The following UGDH variants were observed in gnomAD, a reference collection of about 807,000 sequenced individuals.
UGDH encodes the protein UDP-glucose 6-dehydrogenase.
UGDH carries 38 observed loss-of-function variants against 50.6 expected under a neutral mutation model. The observed-to-expected ratio is 0.75, with a 90% CI of 0.58 to 0.98. The LOEUF (loss-of-function observed/expected upper bound fraction) is 0.98, where lower values mean the gene tolerates loss of function less well. UGDH is among the 50% of genes least tolerant of loss of function. UGDH has a pLI of 0.00. For synonymous variants in UGDH, 168 were observed against 199.9 expected, an observed-to-expected ratio of 0.84 and a Z score of 1.35; for missense variants, 465 against 606.2, an observed-to-expected ratio of 0.77 and a Z score of 2.45.
At chr4:39,523,547 G>A (rs565185026) in intron 1 of UGDH, among the ~76,000 whole-genome samples, 12 of 152,112 alleles carry the variant, frequency 7.9e-5, no homozygotes, top group Non-Finnish European at 1.3e-4. Flanking sequence ...GCTCATGCCT[G>A]TAATCCCAGC....
intron 2 of UGDH, among the ~76,000 whole-genome samples, chr4:39,520,205 G>T (rs375666635): frequency 6.6e-6 from 1 of 152,158 alleles, no homozygotes; most frequent in African/African-American, 2.4e-5. Flanking sequence ...TGGGAGTGGT[G>T]GTGGGCACCT....
chr4:39,501,156 C>CG (rs1363046932), intron 11 of UGDH, among the ~76,000 whole-genome samples: 1 of 149,900 alleles, frequency 6.7e-6, no homozygotes, highest in South Asian at 2.1e-4. Flanking sequence ...TTAGTAGAGA[C>CG]GGGGTTTCAC....
rs371662600 is a variant in UGDH at position 39,504,423 on chromosome 4, C to T, written c.1257G>A (p.Met419Ile). ...HAVVICTEWD[M>I]FKELDYERIH... Reference sequence around the variant, plus strand: ...ATCTTTTCTGTTACCTTACCTTAAACATGTCCCACTCAGTGCAAATAACAA... The same window carrying T: ...ATCTTTTCTGTTACCTTACCTTAAATATGTCCCACTCAGTGCAAATAACAA... The change falls in exon 10 of 12, where the codon ATG (methionine) becomes ATA (isoleucine). Residue 419 changes from methionine (M) to isoleucine (I), a missense_variant. Transcript: ENST00000316423. 8.7e-6 allele frequency: 14 copies of T among 1,613,928 alleles called. No homozygotes were observed. Among genetic ancestry groups the T allele is most frequent in the Non-Finnish European group, 1.2e-5 (14 of 1,179,914 alleles).
intron 7 of UGDH, among the ~76,000 whole-genome samples, chr4:39,506,099 C>T (rs1043538756): frequency 2.0e-5 from 3 of 151,916 alleles, no homozygotes; most frequent in African/African-American, 7.3e-5. Flanking sequence ...GGCAAGGTGG[C>T]ATGTGCCTGT....
intron 3 of UGDH, among the ~76,000 whole-genome samples, chr4:39,513,677 C>T (rs1160719016): frequency 2.0e-5 from 3 of 151,740 alleles, no homozygotes; most frequent in East Asian, 1.9e-4. Flanking sequence ...GCTGGGACTG[C>T]GGGTGCACAC....
At chr4:39,510,926 G>C in intron 3 of UGDH, 65 bp from the exon 4 acceptor site, 29 of 1,522,130 alleles carry the variant, frequency 1.9e-5, no homozygotes, top group Non-Finnish European at 2.6e-5. Context: ...GATATACCCT[G>C]AACTACTGGT....
chr4:39,503,041 A>T (rs1745884672), intron 11 of UGDH, among the ~76,000 whole-genome samples: 1 of 151,988 alleles, frequency 6.6e-6, no homozygotes, highest in Non-Finnish European at 1.5e-5. Context: ...CTCAGCCTCC[A>T]AAGTAGCTGG....
intron 2 of UGDH, among the ~76,000 whole-genome samples, chr4:39,515,712 T>C (rs558996180): frequency 2.6e-5 from 4 of 152,090 alleles, no homozygotes; most frequent in African/African-American, 9.6e-5. Flanking sequence ...GAAAAATTTC[T>C]TTTTTTTGAG....
intron 2 of UGDH, among the ~76,000 whole-genome samples, chr4:39,514,692 T>A (rs1049889066): frequency 6.1e-5 from 9 of 147,284 alleles, no homozygotes; most frequent in Non-Finnish European, 1.0e-4. Context: ...TTTTATTTTA[T>A]TTTTTTTTGA....
At chr4:39,501,430 C>T (rs1027534575) in intron 11 of UGDH, among the ~76,000 whole-genome samples, 4 of 151,900 alleles carry the variant, frequency 2.6e-5, no homozygotes, top group African/African-American at 7.3e-5. Flanking sequence ...CCTGCCACCA[C>T]GCCCGGCAAT....
intron 7 of UGDH, among the ~76,000 whole-genome samples, chr4:39,507,581 G>A (rs1746076580): frequency 6.6e-6 from 1 of 152,084 alleles, no homozygotes. Context: ...AGGGATTACA[G>A]GTGTGAACCA....
At chr4:39,505,474 A>T (rs1358003786) in intron 8 of UGDH, 104 bp from the exon 9 acceptor site, 1 of 1,156,190 alleles carries the variant, frequency 8.6e-7, no homozygotes, top group Non-Finnish European at 1.1e-6. Context: ...AAGCTGGTAG[A>T]GTGGTGAAGA....
intron 11 of UGDH, among the ~76,000 whole-genome samples, chr4:39,501,722 G>A (rs968316418): frequency 6.6e-6 from 1 of 152,182 alleles, no homozygotes; most frequent in Non-Finnish European, 1.5e-5. Context: ...GTCGTGGTAA[G>A]TATTAAATTA....
chr4:39,503,408 TCAGACCCCTCACAG>T lies in UGDH; in HGVS notation c.1374+453_1374+466del, dbSNP rs1216677905. Among the ~76,000 whole-genome samples, 4 of 152,296 alleles carry T rather than the reference TCAGACCCCTCACAG, an allele frequency of 2.6e-5. No homozygotes were observed. The East Asian group carries it at 5.8e-4, about 22-fold the overall frequency. ...CCATTGAAACTCCCATATGTTTCAT[TCAGACCCCTCACAG>T]CACTGGCACAGTGCTGAGTACTCAG... On this transcript the variant is annotated intron_variant, in intron 11 of 11. Coordinates refer to ENST00000316423, the MANE Select transcript of UGDH (RefSeq NM_003359.4).
chr4:39,518,867 T>C (rs576249835), intron 2 of UGDH, among the ~76,000 whole-genome samples: 2 of 152,332 alleles, frequency 1.3e-5, no homozygotes, highest in African/African-American at 4.8e-5. Context: ...ACACTTGGTA[T>C]TGTCAGTAAT....
chr4:39,511,771 G>A (rs1370131839), intron 3 of UGDH, among the ~76,000 whole-genome samples: 3 of 148,992 alleles, frequency 2.0e-5, no homozygotes, highest in East Asian at 2.0e-4. Context: ...GTGCAGTGGC[G>A]CGATCTCGGA....
intron 2 of UGDH, 133 bp downstream of exon 2, chr4:39,521,218 T>C: frequency 1.1e-6 from 1 of 911,626 alleles, no homozygotes; most frequent in Non-Finnish European, 1.6e-6. Context: ...CCATGTGTTT[T>C]GTATCCAGAT....
intron 3 of UGDH, among the ~76,000 whole-genome samples, chr4:39,513,829 C>A (rs907261438): frequency 1.3e-5 from 2 of 152,150 alleles, no homozygotes; most frequent in African/African-American, 4.8e-5. Flanking sequence ...GCCACCGCAC[C>A]CGCCCATTTC....
At chr4:39,517,577 AG>A (rs1231155011) in intron 2 of UGDH, among the ~76,000 whole-genome samples, 1 of 152,206 alleles carries the variant, frequency 6.6e-6, no homozygotes, top group Non-Finnish European at 1.5e-5. Context: ...ACAACACAAA[AG>A]GAAGTGTTTT....
Sources: gnomAD v4.1 joint callset for allele counts (sites outside exome capture counted in the v4.1 genomes callset) on GRCh38, gnomAD v4.1.1 for gene constraint, MANE v1.5 for transcripts, NCBI Gene and HGNC (gene_info 2026-07-23, HGNC 2026-07-21) for gene names.